The following NAA40 variants were observed in gnomAD, a reference collection of about 807,000 sequenced individuals.
NAA40 encodes the protein N-alpha-acetyltransferase 40.
A neutral mutation model predicts 36.6 loss-of-function variants in NAA40; 26 were observed. That is an observed-to-expected ratio of 0.71 (90% CI 0.52 to 0.98). NAA40 has a LOEUF of 0.98. Ranked by LOEUF, NAA40 falls within the 50% of genes least tolerant of loss-of-function variation. The probability of loss-of-function intolerance (pLI) is 0.00; values close to 1 mark genes in which losing one functional copy is unlikely to be tolerated. For missense variants in NAA40, 237 were observed against 306.5 expected, an observed-to-expected ratio of 0.77 and a Z score of 1.69; for synonymous variants, 129 against 108.4, an observed-to-expected ratio of 1.19 and a Z score of -1.18.
At chr11:63,939,374 C>T (rs1308564611) in intron 1 of NAA40, 20 of 1,232,662 alleles carry the variant, frequency 1.6e-5, no homozygotes, top group Non-Finnish European at 1.8e-5. Context: ...CCGTTACTGG[C>T]CTCCCCACCA....
At chr11:63,947,563 T>C (rs1192733734) in intron 3 of NAA40, among the ~76,000 whole-genome samples, 2 of 152,090 alleles carry the variant, frequency 1.3e-5, no homozygotes, top group Non-Finnish European at 2.9e-5. Flanking sequence ...TTTTCTTTTA[T>C]TTTTTGAGAT....
At chr11:63,947,332 G>A (rs1016864402) in intron 3 of NAA40, among the ~76,000 whole-genome samples, 3 of 151,882 alleles carry the variant, frequency 2.0e-5, no homozygotes, top group Non-Finnish European at 2.9e-5. Context: ...ACTTGAACCC[G>A]GGGGGCAGAG....
Position 63,954,639 on chromosome 11 carries a change from A to AGCT in NAA40, c.*164_*166dup. The AGCT allele has an allele frequency of 1.5e-6, 1 of 680,128 alleles. No individual in the cohort carries two copies. The highest frequency in any genetic ancestry group is 2.2e-6 in the Non-Finnish European group (1 of 448,724). 42.1% of individuals were successfully genotyped at this position (680,128 alleles called of 1,614,324 possible). ...CAGAACCCTGGGGAGAAGTGGTATCAGCTGCTCCTCCTCTCCTAGGAGACC... is the reference window on the plus strand; with the variant it reads ...CAGAACCCTGGGGAGAAGTGGTATCAGCTGCTGCTCCTCCTCTCCTAGGAGACC... On this transcript the variant is annotated 3_prime_UTR_variant, in exon 8 of 8. Transcript: ENST00000377793.
chr11:63,953,898 G>T, intron 6 of NAA40, 74 bp from the exon 7 acceptor site: 1 of 1,341,498 alleles, frequency 7.5e-7, no homozygotes. Context: ...TCAAAGTGCT[G>T]GGATTACAGG....
Position 63,939,054 on chromosome 11 carries a change from C to T in NAA40, c.-43C>T, listed in dbSNP as rs767802389. The T allele has an allele frequency of 3.1e-6, 5 of 1,601,936 alleles. No homozygotes were observed. Among genetic ancestry groups the T allele is most frequent in the Non-Finnish European group, 3.4e-6 (4 of 1,175,150 alleles). ...GCCACCGCCGTTGCCGCCTCCCTGC[C>T]GGCAAGTGTGTGAAGAAGAAGCTGA... is the stretch of plus-strand genomic sequence containing the variant. On this transcript the variant is annotated 5_prime_UTR_variant, in exon 1 of 8. Transcript: ENST00000377793.
At chr11:63,941,407 A>T (rs1942107088) in intron 1 of NAA40, among the ~76,000 whole-genome samples, 2 of 152,312 alleles carry the variant, frequency 1.3e-5, no homozygotes, top group African/African-American at 4.8e-5. Context: ...GTTAGAATTT[A>T]TATTTCTCTT....
rs1454937444 is a variant in NAA40 at position 63,956,733 on chromosome 11, G to T, written c.*2254G>T. ...CTTACACCTGTAATCCCAGCACTTT[G>T]GGAGGCTGAGGCAGGCGGGTCACCT... On this transcript the variant is annotated 3_prime_UTR_variant, in exon 8 of 8. Coordinates refer to ENST00000377793, the MANE Select transcript of NAA40 (RefSeq NM_024771.4). 6.6e-6 allele frequency: 1 copy of T among 152,664 alleles called. No individual in the cohort carries two copies. The highest frequency in any genetic ancestry group is 1.5e-5 in the Non-Finnish European group (1 of 68,104). The allele number at this position is 152,664 out of a possible 1,614,324, so 9.5% of individuals were successfully genotyped here. A position where few individuals can be genotyped will look rare whatever the true frequency, so the allele number is the denominator to read the frequency against.
At chr11:63,942,136 T>A (rs1307666531) in intron 1 of NAA40, among the ~76,000 whole-genome samples, 4 of 152,276 alleles carry the variant, frequency 2.6e-5, no homozygotes, top group South Asian at 4.1e-4. Flanking sequence ...CATAGCCAGA[T>A]AAAGCGGATC....
rs183059596 is a variant in NAA40 at position 63,950,339 on chromosome 11, G to A, written c.156-1899G>A. 9.5e-3 allele frequency among the ~76,000 whole-genome samples: 1,438 copies of A among 152,146 alleles called. 22 individuals carry two copies. Among genetic ancestry groups the A allele is most frequent in the African/African-American group, 0.031 (1,294 of 41,508 alleles). On this transcript the variant is annotated intron_variant, in intron 3 of 7. Coordinates refer to ENST00000377793, the MANE Select transcript of NAA40 (RefSeq NM_024771.4). Reference sequence around the variant, plus strand: ...TCGCCATGTTGGCCAGGCTGGTCCCGAACTCCTGACCTCAGGTGATCCACC... The same window carrying A: ...TCGCCATGTTGGCCAGGCTGGTCCCAAACTCCTGACCTCAGGTGATCCACC...
chr11:63,947,087 A>C (rs1335133803), intron 3 of NAA40, 84 bp downstream of exon 3: 5 of 1,372,898 alleles, frequency 3.6e-6, no homozygotes, highest in Non-Finnish European at 4.2e-6. Flanking sequence ...CCTCAGACAC[A>C]AATTTTCTCA....
intron 6 of NAA40, 79 bp downstream of exon 6, chr11:63,952,918 G>A: frequency 7.6e-7 from 1 of 1,315,886 alleles, no homozygotes; most frequent in East Asian, 2.4e-5. Context: ...CATTCTTTGA[G>A]CCTTGTTGGA....
intron 6 of NAA40, 127 bp from the exon 7 acceptor site, chr11:63,953,845 G>C: frequency 1.3e-6 from 1 of 765,828 alleles, no homozygotes; most frequent in East Asian, 2.5e-5. Flanking sequence ...TTCCAGGCTG[G>C]TCTCTAACTC....
At chr11:63,945,262 A>G (rs1392118) in intron 1 of NAA40, among the ~76,000 whole-genome samples, 3,672 of 152,156 alleles carry the variant, frequency 0.024, 130 homozygotes, top group African/African-American at 0.075. Context: ...CGTTGGCCTT[A>G]ACTGAGCAGG....
Position 63,952,415 on chromosome 11 carries a change from A to C in NAA40, c.260A>C (p.Gln87Pro). ...GCTCCCAAATTCCCCAGGTATGAGC[A>C]GAGCGAGTGGGGCTGGAAGGACCGA... ...TKTNMQTMYE[Q>P]SEWGWKDREK... Residue 87 changes from glutamine (Q) to proline (P), a missense_variant, in exon 5 of 8, where the codon CAG (glutamine) becomes CCG (proline). Gln to Pro is a moderately conservative substitution (Grantham distance 76). Transcript: ENST00000377793. The C allele has an allele frequency of 1.2e-6, 2 of 1,614,240 alleles. No homozygotes were observed. Among genetic ancestry groups the C allele is most frequent in the Non-Finnish European group, 1.7e-6 (2 of 1,180,036 alleles).
chr11:63,954,662 A>T lies in NAA40; in HGVS notation c.*183A>T. The T allele has an allele frequency of 1.9e-6, 1 of 540,362 alleles. No individual in the cohort carries two copies. Among genetic ancestry groups the T allele is most frequent in the Non-Finnish European group, 3.0e-6 (1 of 333,642 alleles). 33.5% of individuals were successfully genotyped at this position (540,362 alleles called of 1,614,324 possible). On this transcript the variant is annotated 3_prime_UTR_variant, in exon 8 of 8. Transcript: ENST00000377793. ...TCAGCTGCTCCTCCTCTCCTAGGAG[A>T]CCAGAGTGCTAGAAGGGAATGAAAG...
chr11:63,956,313 C>T lies in NAA40; in HGVS notation c.*1834C>T, dbSNP rs1476620234. 2.0e-5 allele frequency: 3 copies of T among 152,608 alleles called. No individual in the cohort carries two copies. The highest frequency in any genetic ancestry group is 2.9e-5 in the Non-Finnish European group (2 of 68,042). The allele number at this position is 152,608 out of a possible 1,614,324, so 9.5% of individuals were successfully genotyped here. A position where few individuals can be genotyped will look rare whatever the true frequency, so the allele number is the denominator to read the frequency against. On this transcript the variant is annotated 3_prime_UTR_variant, in exon 8 of 8. Transcript: ENST00000377793. ...GGAGCATGTTTAGGAAGAGATTTGT[C>T]TCTGGTCCCTGTCTCTGAAAGGACA...
chr11:63,952,692 G>T, intron 5 of NAA40, 64 bp from the exon 6 acceptor site: 1 of 1,602,256 alleles, frequency 6.2e-7, no homozygotes, highest in African/African-American at 1.3e-5. Flanking sequence ...AAGCTCCTCT[G>T]CCAGACCTTA....
intron 1 of NAA40, among the ~76,000 whole-genome samples, chr11:63,940,040 CTTTTTTTTTTTTTTTTTT>C (rs10618202): frequency 3.9e-5 from 3 of 77,754 alleles, no homozygotes; most frequent in Non-Finnish European, 4.8e-5. Context: ...TGGCTGTATT[CTTTTTTTTTTTTTTTTTT>C]TTTTTTTTTG....
rs775400625 is a variant in NAA40 at position 63,954,467 on chromosome 11, C to T, written c.702C>T (p.Gly234=). 2.5e-6 allele frequency: 4 copies of T among 1,597,630 alleles called. No individual in the cohort carries two copies. The highest frequency in any genetic ancestry group is 2.6e-6 in the Non-Finnish European group (3 of 1,173,578). The change falls in exon 8 of 8, where the codon GGC becomes GGT. Residue 234 remains glycine (G), a synonymous_variant. Coordinates refer to ENST00000377793, the MANE Select transcript of NAA40 (RefSeq NM_024771.4). ...CCCACGCGGGTGGGCACTGTGGTGG[C>T]TGCTGCCACTGAACTCTCAGAGCCA... ...HHSHAGGHCG[G]CCH
Sources: allele counts gnomAD v4.1 joint callset (sites outside exome capture counted in the v4.1 genomes callset), GRCh38; gene constraint gnomAD v4.1.1; transcripts MANE v1.5; gene names NCBI Gene and HGNC (gene_info 2026-07-23, HGNC 2026-07-21).